The following RAPGEF6 variants were observed in gnomAD, a reference collection of about 807,000 sequenced individuals.
RAPGEF6 encodes the protein PDZ domain containing guanine nucleotide exchange factor (GEF) 2.
Under a neutral mutation model 171.4 loss-of-function variants are expected in RAPGEF6, and 56 were observed. The observed-to-expected ratio is 0.33, with a 90% CI of 0.26 to 0.41. The LOEUF is 0.41. RAPGEF6 is among the 10% of genes least tolerant of loss of function. The pLI is 1.00. For synonymous variants in RAPGEF6, 692 were observed against 650.1 expected (o/e 1.06, Z -0.98); for missense variants, 1,674 against 1,921.4 (o/e 0.87, Z 2.41).
chr5:131,577,125 G>C lies in RAPGEF6; in HGVS notation c.282-15078C>G, dbSNP rs1424381909. Among the ~76,000 whole-genome samples, 3 of 152,270 alleles carry C rather than the reference G, an allele frequency of 2.0e-5. No homozygotes were observed. In the East Asian group the frequency reaches 5.8e-4, roughly 29 times the overall value. On this transcript the variant is annotated intron_variant, in intron 4 of 27. Coordinates refer to ENST00000509018, the MANE Select transcript of RAPGEF6 (RefSeq NM_016340.6). ...CACAGGGTCTGAGAAGGCCACCGCA[G>C]TCATTTCTTCCTGTCAGACATAATT...
At chr5:131,449,954 T>C in intron 21 of RAPGEF6, 1 of 1,444,880 alleles carries the variant, frequency 6.9e-7, no homozygotes, top group Non-Finnish European at 9.4e-7. Context: ...CGTGCATTAA[T>C]GAAAAGGATG....
chr5:131,605,694 G>C (rs1764513398), intron 1 of RAPGEF6, among the ~76,000 whole-genome samples: 1 of 151,926 alleles, frequency 6.6e-6, no homozygotes, highest in Non-Finnish European at 1.5e-5. Flanking sequence ...AAGACAACTT[G>C]TTTTCTAGTA....
chr5:131,585,813 C>A (rs927102765), intron 4 of RAPGEF6, among the ~76,000 whole-genome samples: 2 of 151,996 alleles, frequency 1.3e-5, no homozygotes, highest in Non-Finnish European at 2.9e-5. Context: ...GCGGCAAGAG[C>A]GAAACTCCGT....
intron 15 of RAPGEF6, among the ~76,000 whole-genome samples, chr5:131,484,103 A>G (rs1755697605): frequency 6.6e-6 from 1 of 151,296 alleles, no homozygotes; most frequent in Admixed American, 6.6e-5. Context: ...CTCAAAAAAA[A>G]AAAAAAAAAG....
chr5:131,500,261 CCTTAAGAGATAAG>C (rs1756934432), intron 11 of RAPGEF6, among the ~76,000 whole-genome samples: 1 of 152,126 alleles, frequency 6.6e-6, no homozygotes, highest in Admixed American at 6.5e-5. Context: ...GAAACAACCT[CCTTAAGAGATAAG>C]AAAATCATAG....
At chr5:131,594,137 G>C (rs1477671060) in intron 3 of RAPGEF6, among the ~76,000 whole-genome samples, 1 of 152,218 alleles carries the variant, frequency 6.6e-6, no homozygotes, top group Non-Finnish European at 1.5e-5. Flanking sequence ...CTGCTACTCT[G>C]TGTAGCCTCA....
chr5:131,479,399 A>G, intron 16 of RAPGEF6, 114 bp downstream of exon 16: 1 of 1,106,388 alleles, frequency 9.0e-7, no homozygotes, highest in Admixed American at 2.5e-5. Context: ...TGAAGACTTT[A>G]TGATACATTA....
chr5:131,622,542 C>T (rs1042611487), intron 1 of RAPGEF6, among the ~76,000 whole-genome samples: 40 of 152,190 alleles, frequency 2.6e-4, no homozygotes, highest in African/African-American at 8.7e-4. Flanking sequence ...GCCAAACATG[C>T]GTTGCTTATG....
At chr5:131,549,100 A>G (rs1324056305) in intron 5 of RAPGEF6, among the ~76,000 whole-genome samples, 2 of 152,112 alleles carry the variant, frequency 1.3e-5, no homozygotes, top group Admixed American at 1.3e-4. Context: ...TAAGGTGAGG[A>G]GGAATATAGA....
At chr5:131,512,093 A>G (rs1235317285) in intron 7 of RAPGEF6, among the ~76,000 whole-genome samples, 1 of 152,192 alleles carries the variant, frequency 6.6e-6, no homozygotes, top group Non-Finnish European at 1.5e-5. Context: ...ACACTGAACA[A>G]GAGAGTCAAA....
At chr5:131,559,621 G>A (rs1761461297) in intron 5 of RAPGEF6, among the ~76,000 whole-genome samples, 1 of 151,884 alleles carries the variant, frequency 6.6e-6, no homozygotes, top group South Asian at 2.1e-4. Context: ...TCAAGAGTTC[G>A]AGATCAGCCT....
intron 5 of RAPGEF6, among the ~76,000 whole-genome samples, chr5:131,560,408 A>C (rs1479547628): frequency 1.3e-5 from 2 of 152,186 alleles, no homozygotes; most frequent in East Asian, 3.8e-4. Flanking sequence ...CTTCCTCCTC[A>C]TATGAAAATA....
At chr5:131,605,673 G>A (rs1468745338) in intron 1 of RAPGEF6, among the ~76,000 whole-genome samples, 1 of 151,992 alleles carries the variant, frequency 6.6e-6, no homozygotes. Context: ...GGGGTACTGG[G>A]GGAGAAACTA....
At chr5:131,607,740 A>G (rs1268951688) in intron 1 of RAPGEF6, among the ~76,000 whole-genome samples, 6 of 152,146 alleles carry the variant, frequency 3.9e-5, no homozygotes, top group Non-Finnish European at 8.8e-5. Flanking sequence ...GGAGATAAAC[A>G]CTATGAAGAC....
intron 21 of RAPGEF6, among the ~76,000 whole-genome samples, chr5:131,449,078 T>C (rs755884369): frequency 1.3e-5 from 2 of 152,208 alleles, no homozygotes; most frequent in Non-Finnish European, 2.9e-5. Context: ...TAATAAAAGC[T>C]TCTAACTTCA....
In RAPGEF6 at chr5:131,635,112, T is replaced by TAGTG; in HGVS notation, c.-83_-82insCACT. 7.2e-7 allele frequency: 1 copy of TAGTG among 1,382,170 alleles called. No homozygotes were observed. The highest frequency in any genetic ancestry group is 9.7e-7 in the Non-Finnish European group (1 of 1,033,212). 85.6% of individuals were successfully genotyped at this position (1,382,170 alleles called of 1,614,324 possible). ...CACACTAGGTAGCGGGTGCGGTACC[T>TAGTG]TTCCCCCGCCCCAAGGAGGGAACTT... is the stretch of plus-strand genomic sequence containing the variant. On this transcript the variant is annotated 5_prime_UTR_variant, in exon 1 of 28. Coordinates refer to ENST00000509018, the MANE Select transcript of RAPGEF6 (RefSeq NM_016340.6).
chr5:131,589,820 G>T (rs1341664625), intron 4 of RAPGEF6, among the ~76,000 whole-genome samples: 1 of 152,192 alleles, frequency 6.6e-6, no homozygotes, highest in African/African-American at 2.4e-5. Context: ...GGTAAGGGGG[G>T]TCTCCTAAGT....
chr5:131,620,966 CACAATTCCTCATGATCTGGATCCTG>C (rs1317627081), intron 1 of RAPGEF6, among the ~76,000 whole-genome samples: 1 of 152,220 alleles, frequency 6.6e-6, no homozygotes, highest in Non-Finnish European at 1.5e-5. Context: ...ATAAGGAGAA[CACAATTCCTCATGATCTGGATCCTG>C]ACAATTCCTC....
chr5:131,521,347 T>TA (rs1209402836), intron 7 of RAPGEF6, 43 bp downstream of exon 7: 2 of 1,504,076 alleles, frequency 1.3e-6, no homozygotes. Context: ...ATCTGGCAAA[T>TA]AAAAAAACCA....
Sources: gnomAD v4.1 joint callset for allele counts (sites outside exome capture counted in the v4.1 genomes callset) on GRCh38, gnomAD v4.1.1 for gene constraint, MANE v1.5 for transcripts, NCBI Gene and HGNC (gene_info 2026-07-23, HGNC 2026-07-21) for gene names.